The following IGF2BP2 variants were observed in gnomAD, a reference collection of about 807,000 sequenced individuals.
The protein encoded by IGF2BP2 is insulin-like growth factor 2 mRNA-binding protein 2.
A neutral mutation model predicts 75.8 loss-of-function variants in IGF2BP2; 17 were observed. The ratio of observed to expected loss-of-function variants is 0.22; its 90% confidence interval spans 0.15 to 0.34. The LOEUF (loss-of-function observed/expected upper bound fraction) is 0.34, where lower values mean the gene tolerates loss of function less well. IGF2BP2 is among the 10% of genes least tolerant of loss of function. The probability of loss-of-function intolerance (pLI) is 1.00; values close to 1 mark genes in which losing one functional copy is unlikely to be tolerated. For missense variants in IGF2BP2, 516 were observed against 772.4 expected (o/e 0.67, Z 3.93); for synonymous variants, 288 against 295.6 (o/e 0.97, Z 0.26).
At chr3:185,730,428 CTTTTTTTTTTT>C (rs71632076) in intron 2 of IGF2BP2, among the ~76,000 whole-genome samples, 1 of 96,764 alleles carries the variant, frequency 1.0e-5, no homozygotes, top group African/African-American at 3.9e-5. Context: ...GCGCAGGTGT[CTTTTTTTTTTT>C]TTTTTTTTTT....
At chr3:185,691,661 G>C (rs922533553) in intron 5 of IGF2BP2, among the ~76,000 whole-genome samples, 2 of 152,082 alleles carry the variant, frequency 1.3e-5, no homozygotes, top group Non-Finnish European at 2.9e-5. Flanking sequence ...TGCCCAGGCT[G>C]GTCTCAAACT....
chr3:185,823,425 G>A (rs11717959), intron 1 of IGF2BP2, among the ~76,000 whole-genome samples: 1 of 152,050 alleles, frequency 6.6e-6, no homozygotes. Context: ...GTGCGAGCCC[G>A]GGTCGGACCC....
chr3:185,649,864 T>A (rs1030543924), intron 13 of IGF2BP2, among the ~76,000 whole-genome samples: 14 of 152,192 alleles, frequency 9.2e-5, no homozygotes, highest in Admixed American at 5.2e-4. Context: ...TTCCATATTA[T>A]CACCTATAAA....
chr3:185,670,987 T>A (rs1356637197), intron 10 of IGF2BP2, among the ~76,000 whole-genome samples: 1 of 152,256 alleles, frequency 6.6e-6, no homozygotes, highest in Non-Finnish European at 1.5e-5. Flanking sequence ...GGGCTGTATG[T>A]ACAGCCTCTC....
At chr3:185,735,374 G>A (rs1215705498) in intron 2 of IGF2BP2, among the ~76,000 whole-genome samples, 2 of 152,170 alleles carry the variant, frequency 1.3e-5, no homozygotes, top group East Asian at 3.9e-4. Flanking sequence ...TTGAACTCCT[G>A]ACTTCAGGTG....
At position 185,652,111 on chromosome 3, in the gene IGF2BP2, G is replaced by C. The variant is rs1235166941; in HGVS notation, c.1444C>G (p.Pro482Ala). The change falls in exon 13 of 16, where the codon CCG becomes GCG. Residue 482 changes from proline to alanine, a missense_variant. Around this residue, in one of 3 missense-constraint regions of IGF2BP2, gnomAD observed 129 missense variants for 230.5 expected, o/e 0.56. Coordinates refer to ENST00000382199, the MANE Select transcript of IGF2BP2 (RefSeq NM_006548.6). Reference protein sequence around the residue: ...SERMVIITGPPEAQFKAQGRI... With the variant: ...SERMVIITGPAEAQFKAQGRI... ...GCACTAACCTTGAACTGGGCTTCCG[G>C]TGGCCCGGTGATGATGACCATCCTT... is the stretch of plus-strand genomic sequence containing the variant. 1 of 1,612,894 alleles carries C rather than the reference G, an allele frequency of 6.2e-7. No individual in the cohort carries two copies. The highest frequency in any genetic ancestry group is 2.2e-5 in the East Asian group (1 of 44,876).
At chr3:185,655,167 T>C (rs1029586057) in intron 12 of IGF2BP2, among the ~76,000 whole-genome samples, 1 of 152,228 alleles carries the variant, frequency 6.6e-6, no homozygotes, top group Non-Finnish European at 1.5e-5. Flanking sequence ...AGTCTTGCCC[T>C]GTCACCAAGG....
At position 185,647,235 on chromosome 3, in the gene IGF2BP2, A is replaced by G; in HGVS notation, c.1594-97T>C. ...GAGGGGCCAAGAGGTGGAGCAGGGG[A>G]AGGAGGGGGGCTGGACTCTGCTCTC... On this transcript the variant is annotated intron_variant, in intron 14 of 15. Transcript: ENST00000382199. This position sits in a 1 kb window ranked among gnomAD's most constrained non-coding sequence, Gnocchi z 4.9. The G allele has an allele frequency of 1.2e-6, 1 of 868,176 alleles. No homozygotes were observed. Among genetic ancestry groups the G allele is most frequent in the Non-Finnish European group, 2.0e-6 (1 of 507,664 alleles). The allele number at this position is 868,176 out of a possible 1,614,324, so 53.8% of individuals were successfully genotyped here.
At chr3:185,725,945 CA>C (rs1391939348) in intron 2 of IGF2BP2, among the ~76,000 whole-genome samples, 1 of 152,142 alleles carries the variant, frequency 6.6e-6, no homozygotes, top group Non-Finnish European at 1.5e-5. Flanking sequence ...GCCTGCACAT[CA>C]GGGTGAAACT....
At chr3:185,814,364 G>A (rs16860249) in intron 2 of IGF2BP2, among the ~76,000 whole-genome samples, 3,724 of 152,148 alleles carry the variant, frequency 0.024, 154 homozygotes, top group African/African-American at 0.085. Context: ...CTGAAATTTC[G>A]AAGTATGCAT....
At position 185,698,427 on chromosome 3, in the gene IGF2BP2, G is replaced by T. The variant is rs533439628; in HGVS notation, c.240-80C>A. ...AAATAATAAAAACCGGCTTAAACCC[G>T]TCATTTGAATTTGTTTTCTCACTGT... On this transcript the variant is annotated intron_variant, in intron 2 of 15. Transcript: ENST00000382199. The T allele has an allele frequency of 1.8e-5, 24 of 1,325,630 alleles. No individual in the cohort carries two copies. The South Asian group carries it at 2.9e-4, about 16-fold the overall frequency. 82.1% of individuals were successfully genotyped at this position (1,325,630 alleles called of 1,614,324 possible).
At chr3:185,816,102 C>T (rs1006351010) in intron 2 of IGF2BP2, among the ~76,000 whole-genome samples, 16 of 152,168 alleles carry the variant, frequency 1.1e-4, no homozygotes, top group African/African-American at 1.7e-4. Context: ...GCTGTCTGAA[C>T]CCCGTGAAGA....
At chr3:185,693,662 G>C (rs1577994366) in intron 4 of IGF2BP2, among the ~76,000 whole-genome samples, 1 of 152,140 alleles carries the variant, frequency 6.6e-6, no homozygotes, top group Non-Finnish European at 1.5e-5. Flanking sequence ...TCAAATGCCA[G>C]AGAAAACTTT....
intron 5 of IGF2BP2, among the ~76,000 whole-genome samples, chr3:185,691,298 A>G (rs1721922261): frequency 6.6e-6 from 1 of 150,680 alleles, no homozygotes; most frequent in African/African-American, 2.4e-5. Context: ...GGGTTTCTCC[A>G]TGTTGGTCAG....
intron 2 of IGF2BP2, among the ~76,000 whole-genome samples, chr3:185,775,173 TTA>T (rs1328634893): frequency 6.6e-6 from 1 of 152,178 alleles, no homozygotes; most frequent in African/African-American, 2.4e-5. Flanking sequence ...TGTTCAGAAG[TTA>T]TATGAGAAAA....
intron 2 of IGF2BP2, among the ~76,000 whole-genome samples, chr3:185,810,230 T>C (rs1489504807): frequency 6.6e-6 from 1 of 152,248 alleles, no homozygotes; most frequent in Non-Finnish European, 1.5e-5. Context: ...TGTTTTGTTT[T>C]GTTTTGTTTT....
At chr3:185,750,225 T>C (rs1730786708) in intron 2 of IGF2BP2, among the ~76,000 whole-genome samples, 1 of 152,210 alleles carries the variant, frequency 6.6e-6, no homozygotes, top group South Asian at 2.1e-4. Flanking sequence ...AATGCTTACC[T>C]TTCTGTGGGG....
chr3:185,689,694 C>G lies in IGF2BP2; in HGVS notation c.405-67G>C, dbSNP rs1160360888. ...ATCAAGAAAGACCCTCCCGGCCGGG[C>G]GCGGTGGCTCACGCCTGTAATCCCA... is the stretch of plus-strand genomic sequence containing the variant. On this transcript the variant is annotated intron_variant, in intron 5 of 15. Coordinates refer to ENST00000382199, the MANE Select transcript of IGF2BP2 (RefSeq NM_006548.6). The G allele has an allele frequency of 3.1e-6, 5 of 1,594,176 alleles. No individual in the cohort carries two copies. The African/African-American group carries it at 6.7e-5, about 21-fold the overall frequency.
intron 10 of IGF2BP2, among the ~76,000 whole-genome samples, chr3:185,665,254 AAGGAGGAGG>A (rs1178673063): frequency 2.6e-5 from 3 of 114,928 alleles, no homozygotes; most frequent in South Asian, 3.2e-4. Context: ...GAAGAAGGAG[AAGGAGGAGG>A]AGGAGGAGGA....
Sources: gnomAD v4.1 joint callset for allele counts (sites outside exome capture counted in the v4.1 genomes callset) on GRCh38, gnomAD v4.1.1 for gene constraint, gnomAD v4.1.1 regional missense constraint, Gnocchi (gnomAD v3.1) non-coding constraint, MANE v1.5 for transcripts, NCBI Gene and HGNC (gene_info 2026-07-23, HGNC 2026-07-21) for gene names.